BCL2L13: variants seen among roughly 807,000 people sequenced by gnomAD.
The protein encoded by BCL2L13 is BCL2 like 13.
In BCL2L13, 13 loss-of-function variants were observed where a neutral mutation model predicts 25.8. The ratio of observed to expected loss-of-function variants is 0.50; its 90% CI spans 0.33 to 0.80. The LOEUF is 0.80. Ranked by LOEUF, BCL2L13 falls within the 30% of genes least tolerant of loss-of-function variation. BCL2L13 has a pLI of 0.02. For synonymous variants in BCL2L13, 244 were observed against 230.3 expected, an observed-to-expected ratio of 1.06 and a Z score of -0.54; for missense variants, 504 against 574.9, an observed-to-expected ratio of 0.88 and a Z score of 1.26.
chr22:17,667,286 CT>C (rs1364311428), intron 2 of BCL2L13, among the ~76,000 whole-genome samples: 3 of 152,164 alleles, frequency 2.0e-5, no homozygotes, highest in Non-Finnish European at 4.4e-5. Context: ...ATTCTCCTGC[CT>C]AAGCCTCCTG....
intron 6 of BCL2L13, among the ~76,000 whole-genome samples, chr22:17,719,761 G>A (rs1258471857): frequency 1.2e-4 from 18 of 148,370 alleles, no homozygotes; most frequent in African/African-American, 3.8e-4. Context: ...TCCGGGAGGC[G>A]GAGGTTGCAG....
intron 2 of BCL2L13, among the ~76,000 whole-genome samples, chr22:17,660,572 G>A (rs114161383): frequency 0.011 from 1,581 of 143,640 alleles, 76 homozygotes; most frequent in African/African-American, 0.036. Context: ...GAACAGGCCC[G>A]CGCCACCATA....
rs563998800 is a variant in BCL2L13, at chr22:17,667,195, G to A, written c.121+11363G>A. ...CATATGGTAGCTCAATTTTTAGTTA[G>A]TTTCCCCCCCAACCCCACCAGGGTG... On this transcript the variant is annotated intron_variant, in intron 2 of 6. Coordinates refer to ENST00000317582, the MANE Select transcript of BCL2L13 (RefSeq NM_015367.4). Among the ~76,000 whole-genome samples, 20 of 152,126 alleles carry A rather than the reference G, an allele frequency of 1.3e-4. No homozygotes were observed. In the South Asian group the frequency reaches 4.1e-3, roughly 32 times the overall value.
At chr22:17,648,526 C>A (rs73876484) in intron 1 of BCL2L13, among the ~76,000 whole-genome samples, 2,251 of 151,300 alleles carry the variant, frequency 0.015, 56 homozygotes, top group African/African-American at 0.05. Flanking sequence ...AGTGAGACTC[C>A]ATCGCTACAA....
chr22:17,726,435 A>G (rs2061300380), intron 6 of BCL2L13, among the ~76,000 whole-genome samples: 1 of 151,944 alleles, frequency 6.6e-6, no homozygotes, highest in South Asian at 2.1e-4. Flanking sequence ...CTGTGTGTGA[A>G]TTACACTGAA....
chr22:17,698,698 C>T (rs1275066316), intron 5 of BCL2L13, among the ~76,000 whole-genome samples: 3 of 151,832 alleles, frequency 2.0e-5, no homozygotes, highest in Non-Finnish European at 2.9e-5. Flanking sequence ...CACTGTATTC[C>T]AGCCTGGGCA....
intron 1 of BCL2L13, among the ~76,000 whole-genome samples, chr22:17,630,357 A>G (rs1357269725): frequency 1.3e-5 from 2 of 151,036 alleles, no homozygotes; most frequent in African/African-American, 2.4e-5. Context: ...TCAGCTCACT[A>G]CAACCTCTGC....
chr22:17,682,954 A>C (rs993096399), intron 2 of BCL2L13, among the ~76,000 whole-genome samples: 2 of 152,162 alleles, frequency 1.3e-5, no homozygotes, highest in Non-Finnish European at 2.9e-5. Context: ...CAACATAGTG[A>C]AACCTGTCTC....
intron 6 of BCL2L13, among the ~76,000 whole-genome samples, chr22:17,705,140 G>T (rs976277444): frequency 1.3e-5 from 2 of 151,756 alleles, no homozygotes; most frequent in Non-Finnish European, 2.9e-5. Flanking sequence ...GGGTGTGGTG[G>T]CAGGCACCTG....
rs368832132 is a variant in BCL2L13 at position 17,630,731 on chromosome 22, C to T, written c.-650+1726C>T. Among the ~76,000 whole-genome samples the T allele has an allele frequency of 5.9e-5, 9 of 151,626 alleles. No individual in the cohort carries two copies. The East Asian group carries it at 1.6e-3, about 26-fold the overall frequency. On this transcript the variant is annotated intron_variant, in intron 1 of 6. Transcript: ENST00000399782. ...TCAGCCTCCCCAGTAGCTGAGATTA[C>T]AGGCATCTGCCACCACGCCCAGCTA...
Position 17,660,841 on chromosome 22 carries a change from G to A in BCL2L13, c.121+5009G>A, listed in dbSNP as rs1251656010. Among the ~76,000 whole-genome samples, 8 of 146,200 alleles carry A rather than the reference G, an allele frequency of 5.5e-5. 2 individuals are homozygous for A. Reference sequence around the variant, plus strand: ...CTCGCTCTCGTCAGGTGGGAGTGCAGTGGCACCATCTTGGCTCATTGCAAC... The same window carrying A: ...CTCGCTCTCGTCAGGTGGGAGTGCAATGGCACCATCTTGGCTCATTGCAAC... On this transcript the variant is annotated intron_variant, in intron 2 of 6. Transcript: ENST00000317582.
chr22:17,716,797 C>T (rs754321026), intron 6 of BCL2L13, among the ~76,000 whole-genome samples: 68 of 151,986 alleles, frequency 4.5e-4, no homozygotes, highest in Non-Finnish European at 5.4e-4. Context: ...CCGGATGGTA[C>T]CTTAGATTCA....
At chr22:17,638,735 G>T, upstream of BCL2L13, 1 of 1,231,708 alleles carries the variant, frequency 8.1e-7, no homozygotes, top group Non-Finnish European at 1.0e-6. Flanking sequence ...CGGCCGTGAC[G>T]AAGGCACGCC....
intron 6 of BCL2L13, among the ~76,000 whole-genome samples, chr22:17,709,251 CA>C (rs1232855135): frequency 6.6e-6 from 1 of 150,444 alleles, no homozygotes; most frequent in African/African-American, 2.4e-5. Context: ...CAAAACAAAA[CA>C]AAAAAAAGAG....
intron 6 of BCL2L13, among the ~76,000 whole-genome samples, chr22:17,721,980 A>T (rs926208436): frequency 3.9e-5 from 6 of 152,120 alleles, no homozygotes; most frequent in Middle Eastern, 3.2e-3. Flanking sequence ...TATGATGCAC[A>T]CTTTTCTTGT....
chr22:17,690,257 C>T (rs1003161932), intron 4 of BCL2L13, among the ~76,000 whole-genome samples: 12 of 151,838 alleles, frequency 7.9e-5, no homozygotes, highest in African/African-American at 2.9e-4. Context: ...ACCCAGGAGG[C>T]GGAGGTTGCA....
chr22:17,692,468 TA>T (rs1417842432), intron 4 of BCL2L13: 2 of 152,224 alleles, frequency 1.3e-5, no homozygotes, highest in Non-Finnish European at 1.5e-5. Flanking sequence ...TATATGCAAG[TA>T]AAGCTTCAGG....
intron 6 of BCL2L13, among the ~76,000 whole-genome samples, chr22:17,709,086 A>C (rs1269024846): frequency 6.6e-6 from 1 of 152,026 alleles, no homozygotes; most frequent in Non-Finnish European, 1.5e-5. Context: ...AATACAAAAA[A>C]TTAGCTGGGC....
chr22:17,722,417 G>GTGTGTA (rs1569017731), intron 6 of BCL2L13, among the ~76,000 whole-genome samples: 9 of 146,038 alleles, frequency 6.2e-5, no homozygotes, highest in African/African-American at 2.5e-4. Flanking sequence ...GTGTGTGTGT[G>GTGTGTA]TGTATGTAGA....
Sources: gnomAD v4.1 joint callset for allele counts (sites outside exome capture counted in the v4.1 genomes callset) on GRCh38, gnomAD v4.1.1 for gene constraint, MANE v1.5 for transcripts, NCBI Gene and HGNC (gene_info 2026-07-23, HGNC 2026-07-21) for gene names.